The following TSHZ2 variants were observed in gnomAD, a reference collection of about 807,000 sequenced individuals.
TSHZ2 encodes teashirt homolog 2.
Under a neutral mutation model 74.4 loss-of-function variants are expected in TSHZ2, and 21 were observed. The observed-to-expected ratio is 0.28, with a 90% CI of 0.20 to 0.41. TSHZ2 has a LOEUF of 0.41. Among genes scored for constraint, TSHZ2 ranks in the 10% least tolerant of loss-of-function variants. The pLI is 1.00. For missense variants in TSHZ2, 1,244 were observed against 1,293.5 expected (o/e 0.96, Z 0.59); for synonymous variants, 540 against 515.3 (o/e 1.05, Z -0.65).
chr20:53,379,893 C>T (rs1162204459), intron 2 of TSHZ2, among the ~76,000 whole-genome samples: 1 of 152,108 alleles, frequency 6.6e-6, no homozygotes, highest in African/African-American at 2.4e-5. Context: ...CCTGTAACAT[C>T]GTGAGCCAAA....
chr20:53,087,333 A>G (rs1332352611), intron 1 of TSHZ2, among the ~76,000 whole-genome samples: 1 of 152,230 alleles, frequency 6.6e-6, no homozygotes. Flanking sequence ...CTAAACACAG[A>G]TAATTGTTTG....
intron 1 of TSHZ2, chr20:53,185,197 T>C: frequency 1.0e-6 from 1 of 987,536 alleles, no homozygotes; most frequent in Non-Finnish European, 1.2e-6. Context: ...CCTCTGAATT[T>C]GTCTGGGAGC....
intron 1 of TSHZ2, among the ~76,000 whole-genome samples, chr20:53,113,956 G>A (rs531532694): frequency 5.3e-5 from 8 of 152,008 alleles, no homozygotes; most frequent in Middle Eastern, 6.8e-3. Flanking sequence ...GTCAGGGCAC[G>A]GTGGCACATA....
chr20:53,207,513 T>G (rs992568778), intron 1 of TSHZ2, among the ~76,000 whole-genome samples: 1 of 152,122 alleles, frequency 6.6e-6, no homozygotes, highest in African/African-American at 2.4e-5. Flanking sequence ...GCCCCTACCC[T>G]GGCTCTCACT....
chr20:53,355,261 C>T lies in TSHZ2; in HGVS notation c.*8+98690C>T, dbSNP rs534365234. Among the ~76,000 whole-genome samples, 12 of 152,272 alleles carry T rather than the reference C, an allele frequency of 7.9e-5. No homozygotes were observed. In the South Asian group the frequency reaches 2.3e-3, roughly 29 times the overall value. On this transcript the variant is annotated intron_variant, in intron 2 of 2. Coordinates refer to ENST00000371497, the MANE Select transcript of TSHZ2 (RefSeq NM_173485.6). ...TAAGAGAACACCTGGGAGACAAGAG[C>T]CCTCCTTTGGGCAGTATGGCCAAGA...
At chr20:53,356,620 G>T (rs749696685) in intron 2 of TSHZ2, among the ~76,000 whole-genome samples, 2 of 152,170 alleles carry the variant, frequency 1.3e-5, no homozygotes. Flanking sequence ...ATAGATAAAA[G>T]CTGGCCAGGG....
chr20:53,152,292 G>A (rs998997909), intron 1 of TSHZ2, among the ~76,000 whole-genome samples: 4 of 152,094 alleles, frequency 2.6e-5, no homozygotes, highest in African/African-American at 9.7e-5. Context: ...TGACTTAGGA[G>A]CTTACACAGT....
At chr20:53,480,387 G>C (rs1156412624) in intron 2 of TSHZ2, among the ~76,000 whole-genome samples, 1 of 151,472 alleles carries the variant, frequency 6.6e-6, no homozygotes, top group Non-Finnish European at 1.5e-5. Context: ...TGTTTTTGTA[G>C]AGACTCCATC....
chr20:53,176,558 C>T (rs752587259), intron 1 of TSHZ2, among the ~76,000 whole-genome samples: 2 of 152,120 alleles, frequency 1.3e-5, no homozygotes, highest in African/African-American at 2.4e-5. Context: ...GAGTTGGTGA[C>T]CGGTACTGGT....
At chr20:53,090,462 A>G (rs376590395) in intron 1 of TSHZ2, among the ~76,000 whole-genome samples, 33 of 152,200 alleles carry the variant, frequency 2.2e-4, no homozygotes, top group African/African-American at 7.7e-4. Context: ...GCCATGGGGG[A>G]ATAGGTTTGC....
Sources: allele counts gnomAD v4.1 joint callset (sites outside exome capture counted in the v4.1 genomes callset), GRCh38; gene constraint gnomAD v4.1.1; transcripts MANE v1.5; gene names NCBI Gene and HGNC (gene_info 2026-07-23, HGNC 2026-07-21).